SLC2A9: variants seen among roughly 807,000 people sequenced by gnomAD.
The protein encoded by SLC2A9 is solute carrier family 2, facilitated glucose transporter member 9.
Under a neutral mutation model 50.6 loss-of-function variants are expected in SLC2A9, and 39 were observed. The observed-to-expected ratio is 0.77, with a 90% CI of 0.60 to 1.01. The LOEUF is 1.01. Among genes scored for constraint, SLC2A9 ranks in the 50% least tolerant of loss-of-function variants. The probability of loss-of-function intolerance (pLI) is 0.00; values close to 1 mark genes in which losing one functional copy is unlikely to be tolerated. For missense variants in SLC2A9, 686 were observed against 677.6 expected (o/e 1.01, Z -0.14); for synonymous variants, 324 against 276.9 (o/e 1.17, Z -1.69).
At chr4:9,871,655 G>T (rs1277818671) in intron 10 of SLC2A9, among the ~76,000 whole-genome samples, 1 of 152,150 alleles carries the variant, frequency 6.6e-6, no homozygotes, top group Non-Finnish European at 1.5e-5. Flanking sequence ...TGAGTAATCT[G>T]CAATGACCTT....
chr4:9,799,583 G>GT (rs1721049407), intron 3 of SLC2A9, among the ~76,000 whole-genome samples: 1 of 151,712 alleles, frequency 6.6e-6, no homozygotes, highest in Non-Finnish European at 1.5e-5. Flanking sequence ...GAGAGACACA[G>GT]ACATTCAGAC....
Position 9,996,889 on chromosome 4 carries a change from A to G in SLC2A9, c.302T>C (p.Ile101Thr). The change falls in exon 3 of 12, where the codon ATA (isoleucine) becomes ACA (threonine). Residue 101 changes from isoleucine (I) to threonine (T), a missense_variant. Physicochemically the swap from Ile to Thr is moderately conservative, Grantham distance 89. Transcript: ENST00000264784. ...GAGCAAAGTCAGAGTGTCTGGGTCTATTGGACGTCCATGCCTTCTTTCCCA... is the reference window on the plus strand; with the variant it reads ...GAGCAAAGTCAGAGTGTCTGGGTCTGTTGGACGTCCATGCCTTCTTTCCCA... ...ESWERRHGRP[I>T]DPDTLTLLWS... 3 of 1,614,148 alleles carry G rather than the reference A, an allele frequency of 1.9e-6. No individual in the cohort carries two copies. The highest frequency in any genetic ancestry group is 1.7e-6 in the Non-Finnish European group (2 of 1,179,990).
intron 3 of SLC2A9, among the ~76,000 whole-genome samples, chr4:9,781,031 C>T (rs562818924): frequency 6.6e-6 from 1 of 152,056 alleles, no homozygotes; most frequent in Non-Finnish European, 1.5e-5. Flanking sequence ...GGGAAAAGGA[C>T]AATCTCCCAA....
intron 9 of SLC2A9, among the ~76,000 whole-genome samples, chr4:9,890,156 A>C (rs1183951646): frequency 6.6e-6 from 1 of 152,198 alleles, no homozygotes; most frequent in Non-Finnish European, 1.5e-5. Flanking sequence ...AGTAAGGAAA[A>C]GCCAGGGTCC....
At chr4:9,933,175 A>G (rs1354396160) in intron 6 of SLC2A9, among the ~76,000 whole-genome samples, 2 of 152,248 alleles carry the variant, frequency 1.3e-5, no homozygotes, top group Non-Finnish European at 2.9e-5. Flanking sequence ...AAAGGAGGAC[A>G]AAGTTTGACA....
Position 9,819,186 on chromosome 4 carries a change from AG to A in SLC2A9, n.420+7233del, listed in dbSNP as rs200370627. Among the ~76,000 whole-genome samples the A allele has an allele frequency of 7.5e-3, 1,127 of 151,094 alleles. 17 individuals are homozygous for A. Among genetic ancestry groups the A allele is most frequent in the African/African-American group, 0.026 (1,082 of 41,164 alleles). Reference sequence around the variant, plus strand: ...ACAGTCAGCTCAGGAGTTCAATATTAGGAAATATGGCTAAGATGTTTTCTCC... The same window carrying A: ...ACAGTCAGCTCAGGAGTTCAATATTAGAAATATGGCTAAGATGTTTTCTCC... On this transcript the variant is annotated intron_variant and non_coding_transcript_variant, in intron 3 of 3. Transcript: ENST00000503280.
At chr4:10,000,783 A>G (rs1345834658) in intron 2 of SLC2A9, among the ~76,000 whole-genome samples, 1 of 152,196 alleles carries the variant, frequency 6.6e-6, no homozygotes, top group East Asian at 1.9e-4. Flanking sequence ...GGGACCCATC[A>G]GCCTGTACCT....
At chr4:9,876,539 C>T (rs982032957) in intron 10 of SLC2A9, among the ~76,000 whole-genome samples, 1 of 152,178 alleles carries the variant, frequency 6.6e-6, no homozygotes, top group Non-Finnish European at 1.5e-5. Flanking sequence ...TGCAGTGAGT[C>T]ATGATCACAC....
At chr4:9,776,273 G>A (rs1339465728), downstream of SLC2A9, among the ~76,000 whole-genome samples, 6 of 151,550 alleles carry the variant, frequency 4.0e-5, no homozygotes, top group African/African-American at 1.5e-4. Context: ...AGGGGCAGGA[G>A]AGTGGCTTAG....
At chr4:9,893,353 G>A (rs1737893279) in intron 8 of SLC2A9, among the ~76,000 whole-genome samples, 1 of 152,118 alleles carries the variant, frequency 6.6e-6, no homozygotes, top group Non-Finnish European at 1.5e-5. Context: ...TGCTGAGGGA[G>A]GGAAGGTCTG....
intron 3 of SLC2A9, among the ~76,000 whole-genome samples, chr4:9,808,240 T>C (rs1334656119): frequency 6.6e-6 from 1 of 152,222 alleles, no homozygotes; most frequent in Non-Finnish European, 1.5e-5. Flanking sequence ...AGAAAACTTG[T>C]TTCCATTTTG....
intron 10 of SLC2A9, among the ~76,000 whole-genome samples, chr4:9,866,161 T>C (rs1346117678): frequency 6.6e-6 from 1 of 152,110 alleles, no homozygotes; most frequent in African/African-American, 2.4e-5. Flanking sequence ...GTAAAATGGG[T>C]GCACTGATCC....
At chr4:9,795,397 G>A (rs962708549), downstream of SLC2A9, among the ~76,000 whole-genome samples, 1 of 152,158 alleles carries the variant, frequency 6.6e-6, no homozygotes, top group Admixed American at 6.6e-5. Context: ...TTGCTTGTAG[G>A]TGAAAGTTAA....
At position 9,829,818 on chromosome 4, in the gene SLC2A9, A is replaced by G. The variant is rs182063429; in HGVS notation, c.1420-3218T>C. On this transcript the variant is annotated intron_variant, in intron 11 of 11. Coordinates refer to ENST00000264784, the MANE Select transcript of SLC2A9 (RefSeq NM_020041.3). Reference sequence around the variant, plus strand: ...CAAATCAAAACCACAATGAGATACCATCTCATACCAGTCAAAATGGCGATT... The same window carrying G: ...CAAATCAAAACCACAATGAGATACCGTCTCATACCAGTCAAAATGGCGATT... Among the ~76,000 whole-genome samples the G allele has an allele frequency of 1.4e-3, 206 of 152,358 alleles. 1 individual carries two copies. The highest frequency in any genetic ancestry group is 4.8e-3 in the African/African-American group (199 of 41,588).
At chr4:9,990,725 A>G (rs1757556848) in intron 3 of SLC2A9, among the ~76,000 whole-genome samples, 1 of 152,140 alleles carries the variant, frequency 6.6e-6, no homozygotes, top group African/African-American at 2.4e-5. Context: ...TTTGTTTTAC[A>G]CTTTGGAACC....
downstream of SLC2A9, among the ~76,000 whole-genome samples, chr4:9,776,331 G>T (rs1717563925): frequency 2.0e-5 from 3 of 151,972 alleles, no homozygotes; most frequent in Admixed American, 2.0e-4. Flanking sequence ...TTGTTCCGCA[G>T]GTCTTGGTGC....
intron 10 of SLC2A9, among the ~76,000 whole-genome samples, chr4:9,843,805 T>C (rs1728483828): frequency 6.6e-6 from 1 of 152,188 alleles, no homozygotes. Context: ...CAGGAGAATA[T>C]TCATCCTGTG....
rs761129752 is a variant in SLC2A9 at position 9,980,642 on chromosome 4, T to C, written c.631A>G (p.Ile211Val). ...LGQVTAIFIC[I>V]GVFTGQLLGL... ...AGAAGCTGCCCAGTGAACACGCCAATGCAGATAAAGATGGCAGTCACCTGC... is the reference window on the plus strand; with the variant it reads ...AGAAGCTGCCCAGTGAACACGCCAACGCAGATAAAGATGGCAGTCACCTGC... Residue 211 changes from isoleucine to valine, a missense_variant, in exon 5 of 12, where the codon ATT becomes GTT. Transcript: ENST00000264784. 1.2e-6 allele frequency: 2 copies of C among 1,613,968 alleles called. No individual in the cohort carries two copies. Among genetic ancestry groups the C allele is most frequent in the Non-Finnish European group, 1.7e-6 (2 of 1,180,018 alleles).
intron 5 of SLC2A9, among the ~76,000 whole-genome samples, chr4:9,976,309 C>T (rs979610890): frequency 1.3e-5 from 2 of 152,152 alleles, no homozygotes; most frequent in African/African-American, 4.8e-5. Context: ...CTCCTTCACC[C>T]TCTGTGTTTC....
Sources: allele counts gnomAD v4.1 joint callset (sites outside exome capture counted in the v4.1 genomes callset), GRCh38; gene constraint gnomAD v4.1.1; transcripts MANE v1.5; gene names NCBI Gene and HGNC (gene_info 2026-07-23, HGNC 2026-07-21).